RASGRF2: variants seen among roughly 807,000 people sequenced by gnomAD.
The protein encoded by RASGRF2 is Ras protein specific guanine nucleotide releasing factor 2.
A neutral mutation model predicts 151.0 loss-of-function variants in RASGRF2; 76 were observed. The ratio of observed to expected loss-of-function variants is 0.50; its 90% confidence interval spans 0.42 to 0.61. The LOEUF (loss-of-function observed/expected upper bound fraction) is 0.61. Ranked by LOEUF, RASGRF2 falls within the 20% of genes least tolerant of loss-of-function variation. The probability of loss-of-function intolerance (pLI) is 0.00; values close to 1 mark genes in which losing one functional copy is unlikely to be tolerated. For missense variants in RASGRF2, 1,148 were observed against 1,564.6 expected (o/e 0.73, Z 4.49); for synonymous variants, 504 against 566.5 (o/e 0.89, Z 1.57).
rs116032012 is a variant in RASGRF2, at chr5:81,021,619, C to G, written c.289-21258C>G. Among the ~76,000 whole-genome samples the G allele has an allele frequency of 2.0e-3, 308 of 152,082 alleles. 3 individuals carry two copies. The highest frequency in any genetic ancestry group is 7.1e-3 in the African/African-American group (295 of 41,456). ...GAGGCAGGGATCTTGCTGGTGCTGA[C>G]TGGGAGCTGGCATTGCTCTGCTCAG... On this transcript the variant is annotated intron_variant, in intron 1 of 26. Transcript: ENST00000265080.
rs1755993930 is a variant in RASGRF2, at chr5:81,226,077, T to C, written c.*307T>C. On this transcript the variant is annotated 3_prime_UTR_variant, in exon 27 of 27. Transcript: ENST00000265080. ...AACAAAGCAGGTAAATCGGTAAATTTTAAACTCTGTCCATGTTCTGTTAGA... is the reference window on the plus strand; with the variant it reads ...AACAAAGCAGGTAAATCGGTAAATTCTAAACTCTGTCCATGTTCTGTTAGA... 4.2e-6 allele frequency: 1 copy of C among 238,628 alleles called. No homozygotes were observed. The highest frequency in any genetic ancestry group is 8.8e-5 in the South Asian group (1 of 11,340). 14.8% of individuals were successfully genotyped at this position (238,628 alleles called of 1,614,324 possible).
At chr5:81,154,572 A>G (rs1345002108) in intron 17 of RASGRF2, among the ~76,000 whole-genome samples, 1 of 152,218 alleles carries the variant, frequency 6.6e-6, no homozygotes, top group Non-Finnish European at 1.5e-5. Flanking sequence ...TATCTCCAAG[A>G]TACACCATAC....
chr5:81,092,080 A>G (rs1013549144), intron 9 of RASGRF2, among the ~76,000 whole-genome samples: 20 of 152,160 alleles, frequency 1.3e-4, no homozygotes, highest in African/African-American at 4.8e-4. Context: ...AGAAATAATC[A>G]AAGGTAATGT....
intron 26 of RASGRF2, among the ~76,000 whole-genome samples, chr5:81,222,305 C>T (rs1755872907): frequency 6.6e-6 from 1 of 152,234 alleles, no homozygotes; most frequent in African/African-American, 2.4e-5. Flanking sequence ...CCTCTCCCCA[C>T]ATTTGCTTAT....
chr5:81,017,755 G>A (rs1022582788), intron 1 of RASGRF2, among the ~76,000 whole-genome samples: 4 of 152,150 alleles, frequency 2.6e-5, no homozygotes, highest in Non-Finnish European at 5.9e-5. Context: ...TGAGCCACGA[G>A]ATGAAATATT....
At chr5:81,018,717 G>A (rs992620312) in intron 1 of RASGRF2, among the ~76,000 whole-genome samples, 4 of 152,000 alleles carry the variant, frequency 2.6e-5, no homozygotes, top group Middle Eastern at 3.2e-3. Context: ...TGAATTATAC[G>A]GTGAATAACA....
At chr5:80,962,881 T>C (rs1214781423) in intron 1 of RASGRF2, among the ~76,000 whole-genome samples, 1 of 152,246 alleles carries the variant, frequency 6.6e-6, no homozygotes, top group African/African-American at 2.4e-5. Context: ...ATGATGAGTA[T>C]TTCTCAGTCA....
intron 1 of RASGRF2, among the ~76,000 whole-genome samples, chr5:80,988,501 A>C (rs1748547878): frequency 6.6e-6 from 1 of 152,142 alleles, no homozygotes; most frequent in Non-Finnish European, 1.5e-5. Flanking sequence ...TATGTGTTTA[A>C]AGTCTTAATT....
At chr5:81,114,523 G>T (rs563601553) in intron 15 of RASGRF2, among the ~76,000 whole-genome samples, 1 of 152,240 alleles carries the variant, frequency 6.6e-6, no homozygotes, top group South Asian at 2.1e-4. Flanking sequence ...TGTTGATTAG[G>T]TCATAGGGTT....
intron 2 of RASGRF2, among the ~76,000 whole-genome samples, chr5:81,064,521 C>T (rs758692771): frequency 6.6e-6 from 1 of 152,090 alleles, no homozygotes; most frequent in Non-Finnish European, 1.5e-5. Flanking sequence ...CATTAGGGGG[C>T]CATCTTAGAT....
At chr5:81,193,578 C>T (rs929492919) in intron 18 of RASGRF2, among the ~76,000 whole-genome samples, 3 of 152,048 alleles carry the variant, frequency 2.0e-5, no homozygotes, top group South Asian at 2.1e-4. Context: ...TGCAATGGCA[C>T]GATCTCGGCT....
chr5:81,045,907 G>A (rs959310435), intron 2 of RASGRF2, among the ~76,000 whole-genome samples: 1 of 152,130 alleles, frequency 6.6e-6, no homozygotes, highest in Non-Finnish European at 1.5e-5. Flanking sequence ...TTCAGAGCAA[G>A]AATTATCAGC....
At chr5:81,033,046 A>C (rs1750326203) in intron 1 of RASGRF2, among the ~76,000 whole-genome samples, 1 of 151,772 alleles carries the variant, frequency 6.6e-6, no homozygotes, top group South Asian at 2.1e-4. Flanking sequence ...TCCCATTCAC[A>C]ATTGCTTCAA....
At chr5:81,225,614 G>T in intron 26 of RASGRF2, 64 bp from the exon 27 acceptor site, 2 of 1,564,802 alleles carry the variant, frequency 1.3e-6, no homozygotes, top group Non-Finnish European at 1.7e-6. Flanking sequence ...GTTAGATTCC[G>T]TCAGAAAATG....
chr5:81,215,518 G>A (rs1755717872), intron 23 of RASGRF2, among the ~76,000 whole-genome samples: 2 of 152,018 alleles, frequency 1.3e-5, no homozygotes, highest in Non-Finnish European at 2.9e-5. Context: ...TGATCAACCC[G>A]CCTCAGCCTC....
At chr5:81,060,551 C>T (rs1200017554) in intron 2 of RASGRF2, among the ~76,000 whole-genome samples, 2 of 152,144 alleles carry the variant, frequency 1.3e-5, no homozygotes, top group Non-Finnish European at 2.9e-5. Flanking sequence ...CTTTCTCTCT[C>T]TACTACTGTA....
chr5:81,006,905 C>T (rs1749287415), intron 1 of RASGRF2, among the ~76,000 whole-genome samples: 2 of 152,130 alleles, frequency 1.3e-5, no homozygotes, highest in South Asian at 2.1e-4. Context: ...ATTGTCTGTT[C>T]TGCGGGCCCA....
At chr5:80,993,946 G>A (rs1748736660) in intron 1 of RASGRF2, among the ~76,000 whole-genome samples, 1 of 152,048 alleles carries the variant, frequency 6.6e-6, no homozygotes. Flanking sequence ...GGGTGGAGGG[G>A]CAAGTGGAAG....
Position 81,070,538 on chromosome 5 carries a change from G to A in RASGRF2, c.590G>A (p.Ser197Asn). 6.2e-7 allele frequency: 1 copy of A among 1,611,960 alleles called. No homozygotes were observed. Among genetic ancestry groups the A allele is most frequent in the East Asian group, 2.2e-5 (1 of 44,856 alleles). ...AAAGAACGAATGCGACCTTACCAAA[G>A]CAACCAAGAAGACGAAGATCCAGAC... ...KTKERMRPYQ[S>N]NQEDEDPDIK... is the part of the protein sequence containing the mutation. The change falls in exon 4 of 27, where the codon AGC becomes AAC. Residue 197 changes from serine to asparagine, a missense_variant. By Grantham distance (46) the Ser-to-Asn change is conservative. Coordinates refer to ENST00000265080, the MANE Select transcript of RASGRF2 (RefSeq NM_006909.3).
Sources: allele counts gnomAD v4.1 joint callset (sites outside exome capture counted in the v4.1 genomes callset), GRCh38; gene constraint gnomAD v4.1.1; transcripts MANE v1.5; gene names NCBI Gene and HGNC (gene_info 2026-07-23, HGNC 2026-07-21).